Variants in CBR4 observed in about 807,000 individuals in gnomAD.
The protein encoded by CBR4 is 3-oxoacyl-[acyl-carrier-protein] reductase.
Under a neutral mutation model 21.0 loss-of-function variants are expected in CBR4, and 22 were observed. The observed-to-expected ratio is 1.05, with a 90% CI of 0.75 to 1.50. CBR4 has a LOEUF of 1.50. Ranked by LOEUF, CBR4 falls within the 40% of genes most tolerant of loss-of-function variation. The pLI, the probability that CBR4 is intolerant of heterozygous loss-of-function variation, is 0.00. For synonymous variants in CBR4, 100 were observed against 104.4 expected (o/e 0.96, Z 0.26); for missense variants, 302 against 286.3 (o/e 1.05, Z -0.40).
At position 168,900,355 on chromosome 4, in the gene CBR4, T is replaced by C. The variant is rs564592313; in HGVS notation, n.170-5590A>G. Among the ~76,000 whole-genome samples the C allele has an allele frequency of 1.8e-3, 273 of 152,238 alleles. 1 individual carries two copies. Among genetic ancestry groups the C allele is most frequent in the Non-Finnish European group, 2.0e-3 (133 of 68,020 alleles). On this transcript the variant is annotated intron_variant and non_coding_transcript_variant, in intron 2 of 3. Coordinates refer to the CBR4 transcript ENST00000509108. ...CCAAGTATTGCACAATATTGAACAA[T>C]CTTAAGTAACCTCTAAAATAACTTT...
intron 2 of CBR4, among the ~76,000 whole-genome samples, chr4:168,966,061 C>A (rs1248662418): frequency 6.6e-6 from 1 of 151,984 alleles, no homozygotes; most frequent in East Asian, 1.9e-4. Context: ...AAAAAAACAA[C>A]CATATCAGAA....
chr4:168,928,647 C>T (rs1054083157), intron 2 of CBR4, among the ~76,000 whole-genome samples: 1 of 152,130 alleles, frequency 6.6e-6, no homozygotes, highest in Non-Finnish European at 1.5e-5. Flanking sequence ...AGCTCAAGAT[C>T]CTCTTCAAAA....
At chr4:168,990,357 A>C in intron 4 of CBR4, 29 bp from the exon 5 acceptor site, 1 of 1,548,176 alleles carries the variant, frequency 6.5e-7, no homozygotes, top group South Asian at 1.2e-5. Flanking sequence ...TTTAGTTGAA[A>C]AGGGTACACA....
At chr4:168,904,090 T>G (rs1341561597) in intron 2 of CBR4, 4 of 626,480 alleles carry the variant, frequency 6.4e-6, no homozygotes, top group Non-Finnish European at 1.1e-5. Context: ...TGAATACTTA[T>G]TTATTCCATC....
At chr4:168,973,465 T>G in intron 2 of CBR4, among the ~76,000 whole-genome samples, 1 of 152,148 alleles carries the variant, frequency 6.6e-6, no homozygotes, top group Middle Eastern at 3.2e-3. Context: ...GTAGCTGGGA[T>G]TACAGGCACC....
intron 2 of CBR4, among the ~76,000 whole-genome samples, chr4:168,971,719 T>C (rs1195707496): frequency 3.3e-5 from 5 of 152,232 alleles, no homozygotes; most frequent in African/African-American, 1.2e-4. Flanking sequence ...GGATAGTTTC[T>C]GAATATTTTC....
chr4:168,948,608 T>C (rs534947663), intron 2 of CBR4, among the ~76,000 whole-genome samples: 19 of 152,336 alleles, frequency 1.2e-4, no homozygotes, highest in South Asian at 1.2e-3. Flanking sequence ...CCCAGCACCA[T>C]TTGTTGAAAA....
intron 2 of CBR4, chr4:168,925,501 G>T (rs1276136022): frequency 1.1e-5 from 6 of 533,444 alleles, no homozygotes; most frequent in African/African-American, 1.9e-5. Flanking sequence ...CTCTAAACGT[G>T]TGTTCCATTG....
exon 3 of CBR4, chr4:168,894,725 C>G (rs751153163): frequency 1.3e-6 from 2 of 1,589,190 alleles, no homozygotes; most frequent in Non-Finnish European, 1.7e-6. Context: ...TTCTGTCCCC[C>G]TTTTCCATCT....
intron 2 of CBR4, among the ~76,000 whole-genome samples, chr4:168,920,530 T>TA (rs1761258608): frequency 6.6e-6 from 1 of 152,166 alleles, no homozygotes; most frequent in Non-Finnish European, 1.5e-5. Flanking sequence ...AGGCCTTCCT[T>TA]AACAGTGCAT....
intron 1 of CBR4, chr4:169,008,973 C>A (rs919246603): frequency 2.9e-5 from 13 of 455,356 alleles, no homozygotes; most frequent in African/African-American, 2.0e-4. Context: ...AGTCCCAGGT[C>A]CTTGGGAGAC....
Position 168,915,892 on chromosome 4 carries a change from A to C in CBR4, n.170-21127T>G, listed in dbSNP as rs1418527331. On this transcript the variant is annotated intron_variant and non_coding_transcript_variant, in intron 2 of 3. Coordinates refer to the CBR4 transcript ENST00000509108. Reference sequence around the variant, plus strand: ...ATCTATCTGTCATCTTTCTTGTTTCAAGGCCTCGTTCTAGATCAAGGGACA... The same window carrying C: ...ATCTATCTGTCATCTTTCTTGTTTCCAGGCCTCGTTCTAGATCAAGGGACA... The C allele has an allele frequency of 6.2e-7, 1 of 1,611,242 alleles. No homozygotes were observed. Among genetic ancestry groups the C allele is most frequent in the Non-Finnish European group, 8.5e-7 (1 of 1,177,512 alleles).
intron 2 of CBR4, among the ~76,000 whole-genome samples, chr4:168,900,058 A>G (rs1003274959): frequency 6.6e-6 from 1 of 152,220 alleles, no homozygotes; most frequent in South Asian, 2.1e-4. Context: ...AAAAAGGTGA[A>G]TCACACAGCA....
In CBR4 at chr4:168,894,636, G is replaced by A. The variant is rs1407253197; in HGVS notation, n.299C>T. On this transcript the variant is annotated non_coding_transcript_exon_variant, in exon 3 of 4. Coordinates refer to the CBR4 transcript ENST00000509108. ...ACTGCTAGGTGCTGACAGTGCAACT[G>A]TCTTTAATATTCAGGAGCCAGAAGA... 1.1e-5 allele frequency: 18 copies of A among 1,613,806 alleles called. No individual in the cohort carries two copies. Among genetic ancestry groups the A allele is most frequent in the Non-Finnish European group, 1.5e-5 (18 of 1,179,796 alleles).
rs1273566001 is a variant in CBR4, at chr4:168,989,679, G to A, written c.*471C>T. 2 of 982,920 alleles carry A rather than the reference G, an allele frequency of 2.0e-6. No individual in the cohort carries two copies. The highest frequency in any genetic ancestry group is 6.2e-5 in the Admixed American group (1 of 16,254). 60.9% of individuals were successfully genotyped at this position (982,920 alleles called of 1,614,324 possible). A position where few individuals can be genotyped will look rare whatever the true frequency, so the allele number is the denominator to read the frequency against. Reference sequence around the variant, plus strand: ...ACAAGAAAATAATTCATCATAATTAGACAATATAATTTTTCCACTTTTGAG... The same window carrying A: ...ACAAGAAAATAATTCATCATAATTAAACAATATAATTTTTCCACTTTTGAG... On this transcript the variant is annotated 3_prime_UTR_variant, in exon 5 of 5. Transcript: ENST00000306193.
rs539762995 is a variant in CBR4 at position 168,927,988 on chromosome 4, C to T, written n.170-33223G>A. The T allele has an allele frequency of 7.0e-4, 137 of 195,290 alleles. 3 individuals carry two copies. In the Admixed American group the frequency reaches 8.3e-3, roughly 12 times the overall value. The allele number at this position is 195,290 out of a possible 1,614,324, so 12.1% of individuals were successfully genotyped here. ...AGTATTTTTTAAAATAATTTTATAT[C>T]TGTGTACCACCCCATATATTTCATA... On this transcript the variant is annotated intron_variant and non_coding_transcript_variant, in intron 2 of 3. Coordinates refer to the CBR4 transcript ENST00000509108.
At chr4:168,964,025 A>G (rs1309069644) in intron 2 of CBR4, among the ~76,000 whole-genome samples, 1 of 152,198 alleles carries the variant, frequency 6.6e-6, no homozygotes, top group Non-Finnish European at 1.5e-5. Context: ...CAGGAAATAT[A>G]GATCATCAGT....
At chr4:168,897,162 T>C (rs1165928989) in intron 2 of CBR4, among the ~76,000 whole-genome samples, 1 of 152,142 alleles carries the variant, frequency 6.6e-6, no homozygotes, top group African/African-American at 2.4e-5. Context: ...CATTAGTGGA[T>C]ACTCTGAACA....
chr4:168,917,492 A>ACTG (rs1297696422), intron 2 of CBR4, among the ~76,000 whole-genome samples: 1 of 152,174 alleles, frequency 6.6e-6, no homozygotes, highest in Non-Finnish European at 1.5e-5. Flanking sequence ...TTTAAGAAAC[A>ACTG]CTGCTCTAAA....
Sources: gnomAD v4.1 joint callset for allele counts (sites outside exome capture counted in the v4.1 genomes callset) on GRCh38, gnomAD v4.1.1 for gene constraint, MANE v1.5 for transcripts, NCBI Gene and HGNC (gene_info 2026-07-23, HGNC 2026-07-21) for gene names.